Variants in DPP10 observed in about 807,000 individuals in gnomAD.
DPP10 encodes the protein inactive dipeptidyl peptidase 10.
DPP10 carries 33 observed loss-of-function variants against 120.9 expected under a neutral mutation model. The observed-to-expected ratio is 0.27, with a 90% CI of 0.21 to 0.37. The LOEUF is 0.37. Ranked by LOEUF, DPP10 falls within the 10% of genes least tolerant of loss-of-function variation. DPP10 has a pLI of 1.00. For missense variants in DPP10, 816 were observed against 942.8 expected (o/e 0.87, Z 1.76); for synonymous variants, 337 against 326.1 (o/e 1.03, Z -0.36).
intron 10 of DPP10, among the ~76,000 whole-genome samples, chr2:115,751,671 A>G (rs778795383): frequency 6.6e-6 from 1 of 152,182 alleles, no homozygotes; most frequent in Non-Finnish European, 1.5e-5. Flanking sequence ...GATATGTAAC[A>G]TTCATGTAGT....
At chr2:114,727,273 C>T (rs1358420598) in intron 1 of DPP10, among the ~76,000 whole-genome samples, 2 of 152,146 alleles carry the variant, frequency 1.3e-5, no homozygotes, top group Non-Finnish European at 2.9e-5. Flanking sequence ...CACACAGAAG[C>T]TCAGTGTGCT....
At chr2:114,540,623 G>A (rs1686875255) in intron 1 of DPP10, among the ~76,000 whole-genome samples, 2 of 152,130 alleles carry the variant, frequency 1.3e-5, no homozygotes, top group African/African-American at 4.8e-5. Context: ...ATTTATTGCA[G>A]CCATCTCCTT....
At chr2:115,046,024 G>GTGTGTCTGTGTGTGTA (rs1705045072) in intron 1 of DPP10, among the ~76,000 whole-genome samples, 1 of 151,628 alleles carries the variant, frequency 6.6e-6, no homozygotes, top group African/African-American at 2.4e-5. Flanking sequence ...GTGTGTGTGT[G>GTGTGTCTGTGTGTGTA]TGTGTGTGTG....
intron 1 of DPP10, among the ~76,000 whole-genome samples, chr2:114,556,933 A>G (rs1422379247): frequency 6.6e-6 from 1 of 151,998 alleles, no homozygotes; most frequent in African/African-American, 2.4e-5. Context: ...TGGAGGACCA[A>G]AACCAACTGG....
At chr2:115,524,518 C>A (rs949813975) in intron 4 of DPP10, among the ~76,000 whole-genome samples, 1 of 152,126 alleles carries the variant, frequency 6.6e-6, no homozygotes, top group Non-Finnish European at 1.5e-5. Flanking sequence ...AGATGGTTCC[C>A]TCAACCCTTA....
At chr2:115,173,207 G>A (rs2053476453) in intron 1 of DPP10, among the ~76,000 whole-genome samples, 2 of 151,980 alleles carry the variant, frequency 1.3e-5, no homozygotes, top group African/African-American at 2.4e-5. Flanking sequence ...CTGTAACAGC[G>A]AATCCAAAAA....
At chr2:114,765,387 C>T (rs1231735602) in intron 1 of DPP10, among the ~76,000 whole-genome samples, 1 of 152,082 alleles carries the variant, frequency 6.6e-6, no homozygotes, top group African/African-American at 2.4e-5. Flanking sequence ...TTATGAATTG[C>T]ATCATTTACC....
chr2:115,447,986 T>C (rs931811467), intron 3 of DPP10, among the ~76,000 whole-genome samples: 11 of 152,194 alleles, frequency 7.2e-5, no homozygotes, highest in Admixed American at 1.3e-4. Flanking sequence ...TAGAAGGATA[T>C]GTTTCAAAGA....
chr2:114,762,816 G>A (rs1205286252), intron 1 of DPP10, among the ~76,000 whole-genome samples: 2 of 152,178 alleles, frequency 1.3e-5, no homozygotes, highest in South Asian at 2.1e-4. Flanking sequence ...GCTGTGAAAT[G>A]TATTCTTTTA....
At position 115,138,329 on chromosome 2, in the gene DPP10, T is replaced by C. The variant is rs12105023; in HGVS notation, c.61-170910T>C. Among the ~76,000 whole-genome samples, 554 of 152,276 alleles carry C rather than the reference T, an allele frequency of 3.6e-3. 5 individuals are homozygous for C. The highest frequency in any genetic ancestry group is 0.013 in the African/African-American group (532 of 41,552). ...TGTGCTGATGAAGAAATGAGAAATT[T>C]TGTCTCTTCCCTAGAGCAGCATTAT... On this transcript the variant is annotated intron_variant, in intron 1 of 25. Transcript: ENST00000410059.
intron 8 of DPP10, among the ~76,000 whole-genome samples, chr2:115,731,388 G>A (rs1252394516): frequency 6.6e-6 from 1 of 150,598 alleles, no homozygotes; most frequent in African/African-American, 2.4e-5. Context: ...GTGGGGTGGT[G>A]GGGTAGCACA....
intron 1 of DPP10, among the ~76,000 whole-genome samples, chr2:115,062,547 C>T (rs763004972): frequency 6.6e-6 from 1 of 152,148 alleles, no homozygotes; most frequent in Non-Finnish European, 1.5e-5. Flanking sequence ...ACACTGCTCC[C>T]ACCCCTCAAC....
Position 115,034,556 on chromosome 2 carries a change from A to G in DPP10, c.61-274683A>G, listed in dbSNP as rs189600953. On this transcript the variant is annotated intron_variant, in intron 1 of 25. Transcript: ENST00000410059. ...AATGTCCCTTTCTTCTTCATTTTCT[A>G]TGTATATGAGAATGACCATTCAGTT... 2.0e-4 allele frequency among the ~76,000 whole-genome samples: 30 copies of G among 152,296 alleles called. 1 individual carries two copies. The East Asian group carries it at 3.5e-3, about 18-fold the overall frequency.
At chr2:115,755,313 T>C (rs1255592577) in intron 11 of DPP10, among the ~76,000 whole-genome samples, 1 of 151,986 alleles carries the variant, frequency 6.6e-6, no homozygotes, top group East Asian at 1.9e-4. Flanking sequence ...AACTGAAAAA[T>C]ACAATGTTTG....
At chr2:115,564,704 C>A (rs1323497803) in intron 5 of DPP10, among the ~76,000 whole-genome samples, 1 of 152,130 alleles carries the variant, frequency 6.6e-6, no homozygotes, top group East Asian at 1.9e-4. Context: ...AAGAGAAAGT[C>A]TTGAAAAAAT....
chr2:115,557,766 G>T (rs2080306668), intron 5 of DPP10, among the ~76,000 whole-genome samples: 1 of 152,112 alleles, frequency 6.6e-6, no homozygotes, highest in East Asian at 1.9e-4. Flanking sequence ...AAAAAAGAAA[G>T]GCCTACTCCT....
At position 114,442,709 on chromosome 2, in the gene DPP10, AGAG is replaced by A. The variant is rs1456724634; in HGVS notation, c.-66_-64del. On this transcript the variant is annotated 5_prime_UTR_variant, in exon 1 of 26. Coordinates refer to ENST00000410059, the MANE Select transcript of DPP10 (RefSeq NM_020868.6). ...GCAGCAGCCCCTACTGAAGTCCAAT[AGAG>A]GAGACTTGATCTCTAGTTCATTCTG... The A allele has an allele frequency of 1.9e-6, 3 of 1,585,270 alleles. No homozygotes were observed. Among genetic ancestry groups the A allele is most frequent in the East Asian group, 2.3e-5 (1 of 44,290 alleles).
intron 1 of DPP10, among the ~76,000 whole-genome samples, chr2:115,233,767 T>G (rs1245693764): frequency 6.6e-6 from 1 of 152,156 alleles, no homozygotes; most frequent in East Asian, 1.9e-4. Flanking sequence ...AGGATGATAC[T>G]CCATAGAATT....
At chr2:115,655,432 T>A in intron 5 of DPP10, among the ~76,000 whole-genome samples, 1 of 151,666 alleles carries the variant, frequency 6.6e-6, no homozygotes, top group East Asian at 1.9e-4. Context: ...GAAAACTTTT[T>A]GCATCAAATG....
Sources: allele counts gnomAD v4.1 joint callset (sites outside exome capture counted in the v4.1 genomes callset), GRCh38; gene constraint gnomAD v4.1.1; transcripts MANE v1.5; gene names NCBI Gene and HGNC (gene_info 2026-07-23, HGNC 2026-07-21).